The following TNFAIP8 variants were observed in gnomAD, a reference collection of about 807,000 sequenced individuals.
TNFAIP8 encodes the protein tumor necrosis factor alpha-induced protein 8.
TNFAIP8 carries 7 observed loss-of-function variants against 13.3 expected under a neutral mutation model. That is an observed-to-expected ratio of 0.52 (90% CI 0.30 to 0.99). The LOEUF (loss-of-function observed/expected upper bound fraction) is 0.99. Ranked by LOEUF, TNFAIP8 falls within the 50% of genes least tolerant of loss-of-function variation. The pLI is 0.07. For missense variants in TNFAIP8, 258 were observed against 236.9 expected (o/e 1.09, Z -0.58); for synonymous variants, 94 against 87.6 (o/e 1.07, Z -0.41).
rs1753014540 is a variant in TNFAIP8 at position 119,394,316 on chromosome 5, A to G, written c.*935A>G. 1 of 152,204 alleles carries G rather than the reference A, an allele frequency of 6.6e-6. No homozygotes were observed. The highest frequency in any genetic ancestry group is 6.5e-5 in the Admixed American group (1 of 15,286). 9.4% of individuals were successfully genotyped at this position (152,204 alleles called of 1,614,324 possible). On this transcript the variant is annotated 3_prime_UTR_variant, in exon 2 of 2. Transcript: ENST00000504771. ...AAGGGGAGAAATACTGCTAAAGAACATGAGCATAAAAATGCGTGCGTTTCA... is the reference window on the plus strand; with the variant it reads ...AAGGGGAGAAATACTGCTAAAGAACGTGAGCATAAAAATGCGTGCGTTTCA...
rs1166534109 is a variant in TNFAIP8, at chr5:119,394,006, T to C, written c.*625T>C. 3 of 152,242 alleles carry C rather than the reference T, an allele frequency of 2.0e-5. No individual in the cohort carries two copies. The highest frequency in any genetic ancestry group is 4.4e-5 in the Non-Finnish European group (3 of 68,048). The allele number at this position is 152,242 out of a possible 1,614,324, so 9.4% of individuals were successfully genotyped here. ...ATGAATAATGTCCAGTATAAGAATA[T>C]GCTTCTGGAATTGAGTTCTCCTTTT... On this transcript the variant is annotated 3_prime_UTR_variant, in exon 2 of 2. Transcript: ENST00000504771.
intron 1 of TNFAIP8, among the ~76,000 whole-genome samples, chr5:119,308,127 A>G (rs1749621033): frequency 6.6e-6 from 1 of 152,222 alleles, no homozygotes; most frequent in African/African-American, 2.4e-5. Context: ...CTCTTGCCCA[A>G]CTGATAATTG....
intron 1 of TNFAIP8, among the ~76,000 whole-genome samples, chr5:119,295,825 C>G (rs1159562716): frequency 1.3e-5 from 2 of 152,154 alleles, no homozygotes; most frequent in East Asian, 3.9e-4. Context: ...GTTTGTAGTT[C>G]TCCTTGAAGA....
chr5:119,297,281 G>C (rs1368403297), intron 1 of TNFAIP8, among the ~76,000 whole-genome samples: 1 of 152,070 alleles, frequency 6.6e-6, no homozygotes, highest in Non-Finnish European at 1.5e-5. Context: ...CTTTGAAAGT[G>C]TCCCAGAGAT....
At chr5:119,388,904 A>G (rs1752785450) in intron 1 of TNFAIP8, among the ~76,000 whole-genome samples, 1 of 151,628 alleles carries the variant, frequency 6.6e-6, no homozygotes, top group African/African-American at 2.4e-5. Flanking sequence ...TTATCCTCCT[A>G]AAGTGCTGGG....
At chr5:119,289,341 G>T (rs191454198) in intron 1 of TNFAIP8, among the ~76,000 whole-genome samples, 1 of 152,232 alleles carries the variant, frequency 6.6e-6, no homozygotes, top group Non-Finnish European at 1.5e-5. Flanking sequence ...TTAAAGAGAG[G>T]CATTCGGTCT....
At chr5:119,277,198 C>T (rs554379148) in intron 1 of TNFAIP8, among the ~76,000 whole-genome samples, 10 of 152,192 alleles carry the variant, frequency 6.6e-5, no homozygotes, top group South Asian at 2.1e-4. Flanking sequence ...ACCATAGATA[C>T]GGGGGACTAC....
At chr5:119,306,074 A>G (rs1419719979) in intron 1 of TNFAIP8, among the ~76,000 whole-genome samples, 1 of 152,176 alleles carries the variant, frequency 6.6e-6, no homozygotes, top group African/African-American at 2.4e-5. Context: ...TCACACCTCC[A>G]TCCTTCCAGA....
chr5:119,386,457 A>G (rs1343645530), intron 1 of TNFAIP8, among the ~76,000 whole-genome samples: 1 of 152,244 alleles, frequency 6.6e-6, no homozygotes, highest in Non-Finnish European at 1.5e-5. Context: ...GAAGGACAAT[A>G]AAGGGAATCT....
intron 1 of TNFAIP8, among the ~76,000 whole-genome samples, chr5:119,363,711 G>A (rs1034762497): frequency 7.9e-5 from 12 of 152,200 alleles, no homozygotes; most frequent in African/African-American, 2.4e-4. Context: ...TTCAGCGGAC[G>A]TTGACTAGAC....
chr5:119,352,029 C>T (rs1014010886), upstream of TNFAIP8, among the ~76,000 whole-genome samples: 2 of 152,046 alleles, frequency 1.3e-5, no homozygotes, highest in Admixed American at 1.3e-4. Flanking sequence ...ACCTTGTGAT[C>T]CACCTGCCTC....
intron 1 of TNFAIP8, among the ~76,000 whole-genome samples, chr5:119,329,726 G>C (rs1876737): frequency 0.096 from 14,586 of 151,948 alleles, 800 homozygotes; most frequent in African/African-American, 0.16. Context: ...TTGGCGAGGA[G>C]TGAGTGGACC....
At chr5:119,336,110 A>G (rs1033101436) in intron 1 of TNFAIP8, among the ~76,000 whole-genome samples, 1 of 152,142 alleles carries the variant, frequency 6.6e-6, no homozygotes, top group Non-Finnish European at 1.5e-5. Context: ...GAGATGAGTC[A>G]GAGAGGTGGT....
intron 1 of TNFAIP8, among the ~76,000 whole-genome samples, chr5:119,272,056 C>CA (rs1332883814): frequency 6.6e-6 from 1 of 152,120 alleles, no homozygotes; most frequent in African/African-American, 2.4e-5. Flanking sequence ...AAAACAAAAA[C>CA]AGAGAACCAT....
At chr5:119,387,109 G>A (rs958900801) in intron 1 of TNFAIP8, among the ~76,000 whole-genome samples, 5 of 152,064 alleles carry the variant, frequency 3.3e-5, no homozygotes, top group African/African-American at 1.2e-4. Context: ...TAGCTACTCC[G>A]AGCGTTCATT....
intron 1 of TNFAIP8, among the ~76,000 whole-genome samples, chr5:119,374,150 G>A (rs913894428): frequency 8.6e-5 from 13 of 151,764 alleles, no homozygotes; most frequent in African/African-American, 7.3e-5. Flanking sequence ...GTAGCGTATC[G>A]CTTATCCAAA....
chr5:119,272,355 A>G (rs1367578638), intron 1 of TNFAIP8, among the ~76,000 whole-genome samples: 2 of 152,238 alleles, frequency 1.3e-5, no homozygotes, highest in Non-Finnish European at 2.9e-5. Context: ...TCATGTTTAC[A>G]TGAAATCCTT....
At chr5:119,274,650 T>C (rs1397569104) in intron 1 of TNFAIP8, among the ~76,000 whole-genome samples, 2 of 152,180 alleles carry the variant, frequency 1.3e-5, no homozygotes, top group African/African-American at 4.8e-5. Context: ...CTTTTCAAGG[T>C]AAGAGACCCT....
At chr5:119,331,064 G>C (rs1750361579) in intron 1 of TNFAIP8, among the ~76,000 whole-genome samples, 1 of 152,046 alleles carries the variant, frequency 6.6e-6, no homozygotes, top group Non-Finnish European at 1.5e-5. Flanking sequence ...CCTAGGGCTG[G>C]AAGTCCTGGC....
Sources: allele counts gnomAD v4.1 joint callset (sites outside exome capture counted in the v4.1 genomes callset), GRCh38; gene constraint gnomAD v4.1.1; transcripts MANE v1.5; gene names NCBI Gene and HGNC (gene_info 2026-07-23, HGNC 2026-07-21).